HERC1: variants seen among roughly 807,000 people sequenced by gnomAD.
The protein encoded by HERC1 is probable E3 ubiquitin-protein ligase HERC1.
A neutral mutation model predicts 554.3 loss-of-function variants in HERC1; 160 were observed. The observed-to-expected ratio is 0.29, with a 90% confidence interval of 0.25 to 0.33. The LOEUF (loss-of-function observed/expected upper bound fraction) is 0.33. Ranked by LOEUF, HERC1 falls within the 10% of genes least tolerant of loss-of-function variation. The pLI is 1.00. For synonymous variants in HERC1, 2,175 were observed against 2,131.7 expected (o/e 1.02, Z -0.56); for missense variants, 4,919 against 5,918.5 (o/e 0.83, Z 5.54).
intron 1 of HERC1, 78 bp downstream of exon 1, chr15:63,833,749 G>GCACACACACACACACACA (rs1206350552): frequency 2.1e-4 from 6 of 28,460 alleles, no homozygotes; most frequent in African/African-American, 7.9e-4. Flanking sequence ...ACACACGCGC[G>GCACACACACACACACACA]CGCGCACACA....
At chr15:63,830,250 A>T (rs1429239471) in intron 1 of HERC1, among the ~76,000 whole-genome samples, 1 of 152,206 alleles carries the variant, frequency 6.6e-6, no homozygotes, top group African/African-American at 2.4e-5. Flanking sequence ...CACTAGCAAA[A>T]AGACATGTCA....
rs1299474999 is a variant in HERC1 at position 63,692,974 on chromosome 15, A to C, written c.5675-408T>G. Reference sequence around the variant, plus strand: ...GGCGGGCGGATCACTTGAGGTCAGGAGTTCAAGATCAGCCTGGCCAACATA... The same window carrying C: ...GGCGGGCGGATCACTTGAGGTCAGGCGTTCAAGATCAGCCTGGCCAACATA... On this transcript the variant is annotated intron_variant, in intron 30 of 77. Transcript: ENST00000443617. This position sits in a 1 kb window ranked among gnomAD's most constrained non-coding sequence, Gnocchi z 4.7. Among the ~76,000 whole-genome samples, 1 of 152,018 alleles carries C rather than the reference A, an allele frequency of 6.6e-6. No individual in the cohort carries two copies. Among genetic ancestry groups the C allele is most frequent in the African/African-American group, 2.4e-5 (1 of 41,398 alleles).
chr15:63,775,099 T>C lies in HERC1; in HGVS notation c.525A>G (p.Gln175=). The part of the protein sequence containing the change: ...GLSLLFALLR[Q]SWMMPVSGPG... ...GTCCTGACACAGGCATCATCCAACT[T>C]TGTCTTAGAAGCGCAAATAATAAAC... Residue 175 remains glutamine (Q), a synonymous_variant, in exon 2 of 78, where the codon CAA becomes CAG. Coordinates refer to ENST00000443617, the MANE Select transcript of HERC1 (RefSeq NM_003922.4). This position sits in a 1 kb window ranked among gnomAD's most constrained non-coding sequence, Gnocchi z 4.0. The C allele has an allele frequency of 1.2e-6, 2 of 1,613,970 alleles. No homozygotes were observed. The highest frequency in any genetic ancestry group is 1.7e-6 in the Non-Finnish European group (2 of 1,179,864).
At chr15:63,804,738 C>A (rs1000944365) in intron 1 of HERC1, among the ~76,000 whole-genome samples, 1 of 151,992 alleles carries the variant, frequency 6.6e-6, no homozygotes, top group Non-Finnish European at 1.5e-5. Flanking sequence ...ATAAAAAGAA[C>A]CCTTACAACT....
At chr15:63,647,522 T>C (rs189498612) in intron 55 of HERC1, among the ~76,000 whole-genome samples, 8 of 152,134 alleles carry the variant, frequency 5.3e-5, no homozygotes, top group African/African-American at 1.9e-4. Flanking sequence ...GGAAAATAAT[T>C]CATTTTCTCA....
At chr15:63,688,565 T>C (rs531229402) in intron 33 of HERC1, among the ~76,000 whole-genome samples, 25 of 152,266 alleles carry the variant, frequency 1.6e-4, no homozygotes, top group African/African-American at 5.5e-4. Flanking sequence ...AATGGGCATA[T>C]GAGTCTGAAT....
chr15:63,649,531 G>C (rs1424586802), intron 54 of HERC1, among the ~76,000 whole-genome samples, 194 bp downstream of exon 54: 1 of 152,138 alleles, frequency 6.6e-6, no homozygotes, highest in South Asian at 2.1e-4. Flanking sequence ...CATTTTGACA[G>C]AGATGTGTGG....
Position 63,713,448 on chromosome 15 carries a change from T to G in HERC1, c.4368A>C (p.Val1456=), listed in dbSNP as rs1456977462. The change falls in exon 23 of 78, where the codon GTA becomes GTC. Residue 1456 remains valine (V), a synonymous_variant. Transcript: ENST00000443617. ...IHRCALLILG[V]SPVIDELQKR... is the part of the protein sequence containing the mutation. ...TCTGAAGCTCATCTATCACAGGACT[T>G]ACTCCTAATATTAACAGGGCACACC... is the stretch of plus-strand genomic sequence containing the variant. 5.6e-6 allele frequency: 9 copies of G among 1,613,884 alleles called. No homozygotes were observed. The highest frequency in any genetic ancestry group is 1.3e-5 in the African/African-American group (1 of 74,912).
intron 30 of HERC1, among the ~76,000 whole-genome samples, chr15:63,693,469 C>T (rs535887888): frequency 6.6e-6 from 1 of 152,192 alleles, no homozygotes; most frequent in Non-Finnish European, 1.5e-5. Flanking sequence ...ATCTTGAACT[C>T]CTGGGCTCAA....
intron 3 of HERC1, among the ~76,000 whole-genome samples, chr15:63,761,294 G>C (rs2075602390): frequency 1.3e-5 from 2 of 152,032 alleles, no homozygotes; most frequent in Admixed American, 1.3e-4. Flanking sequence ...AAAACACAGA[G>C]ACAGGCTGGG....
In HERC1 at chr15:63,630,511, T is replaced by C; in HGVS notation, c.12921A>G (p.Ala4307=). ...AVGAEHTLAL[A]SNGDVYAWGS... ...CCCAGGCATACACATCTCCATTTGA[T>C]GCCAAAGCAAGTGTGTGTTCAGCTC... Residue 4307 remains alanine, a synonymous_variant, in exon 69 of 78, where the codon GCA becomes GCG. Transcript: ENST00000443617. 3 of 1,614,010 alleles carry C rather than the reference T, an allele frequency of 1.9e-6. No individual in the cohort carries two copies. Among genetic ancestry groups the C allele is most frequent in the Non-Finnish European group, 2.5e-6 (3 of 1,179,872 alleles).
At chr15:63,806,431 C>T (rs2077141573) in intron 1 of HERC1, among the ~76,000 whole-genome samples, 1 of 152,178 alleles carries the variant, frequency 6.6e-6, no homozygotes, top group Non-Finnish European at 1.5e-5. Flanking sequence ...CCTCCTCTAA[C>T]TCTCTTACTT....
chr15:63,745,995 TCTC>T (rs1228702791), intron 12 of HERC1, among the ~76,000 whole-genome samples: 1 of 152,178 alleles, frequency 6.6e-6, no homozygotes, highest in African/African-American at 2.4e-5. Flanking sequence ...GTTTCCTGGA[TCTC>T]CTCAATTGTT....
At chr15:63,619,066 C>T (rs901197481) in intron 74 of HERC1, among the ~76,000 whole-genome samples, 1 of 152,186 alleles carries the variant, frequency 6.6e-6, no homozygotes, top group African/African-American at 2.4e-5. Flanking sequence ...GCATCCCTCT[C>T]TTGTGCCAGT....
intron 17 of HERC1, among the ~76,000 whole-genome samples, chr15:63,725,769 GACA>G (rs2074013816): frequency 6.6e-6 from 1 of 152,090 alleles, no homozygotes; most frequent in African/African-American, 2.4e-5. Flanking sequence ...AACAACATAT[GACA>G]ACATTATTCC....
At chr15:63,735,639 G>T (rs896275589) in intron 12 of HERC1, among the ~76,000 whole-genome samples, 1 of 152,022 alleles carries the variant, frequency 6.6e-6, no homozygotes, top group African/African-American at 2.4e-5. Flanking sequence ...ATTATCTTAG[G>T]CCTCATAACT....
rs1354077325 is a variant in HERC1, at chr15:63,713,312, G to A, written c.4463+41C>T. ...ATTTCAGTGCATAAAGTAATAAAGG[G>A]AAGTGAGTAGGTCATGTTTTCAGTG... On this transcript the variant is annotated intron_variant, in intron 23 of 77. Transcript: ENST00000443617. The A allele has an allele frequency of 4.0e-6, 6 of 1,498,190 alleles. No homozygotes were observed. In the Admixed American group the frequency reaches 1.0e-4, roughly 25 times the overall value. 92.8% of individuals were successfully genotyped at this position (1,498,190 alleles called of 1,614,324 possible).
rs1323621161 is a variant in HERC1 at position 63,775,702 on chromosome 15, G to A, written c.-26-53C>T. 3.3e-6 allele frequency: 4 copies of A among 1,198,896 alleles called. No homozygotes were observed. The East Asian group carries it at 9.5e-5, about 28-fold the overall frequency. The allele number at this position is 1,198,896 out of a possible 1,614,324, so 74.3% of individuals were successfully genotyped here. A position where few individuals can be genotyped will look rare whatever the true frequency, so the allele number is the denominator to read the frequency against. ...AAAACATACAGAGGACTCATAAAATGTTTCCAAAATTTCATCTTACATTAC... is the reference window on the plus strand; with the variant it reads ...AAAACATACAGAGGACTCATAAAATATTTCCAAAATTTCATCTTACATTAC... On this transcript the variant is annotated intron_variant, in intron 1 of 77. Transcript: ENST00000443617. This position sits in a 1 kb window ranked among gnomAD's most constrained non-coding sequence, Gnocchi z 4.0.
At chr15:63,722,889 A>G (rs1323030201) in intron 19 of HERC1, among the ~76,000 whole-genome samples, 1 of 152,308 alleles carries the variant, frequency 6.6e-6, no homozygotes, top group East Asian at 1.9e-4. Flanking sequence ...CTTGGAACAC[A>G]TCACCCGCGG....
Sources: allele counts gnomAD v4.1 joint callset (sites outside exome capture counted in the v4.1 genomes callset), GRCh38; gene constraint gnomAD v4.1.1; non-coding constraint Gnocchi (gnomAD v3.1); transcripts MANE v1.5; gene names NCBI Gene and HGNC (gene_info 2026-07-23, HGNC 2026-07-21).